The following C1orf21 variants were observed in gnomAD, a reference collection of about 807,000 sequenced individuals.
The protein encoded by C1orf21 is uncharacterized protein C1orf21.
C1orf21 carries 3 observed loss-of-function variants against 18.7 expected under a neutral mutation model. The ratio of observed to expected loss-of-function variants is 0.16; its 90% CI spans 0.07 to 0.42. C1orf21 has a LOEUF of 0.42. Ranked by LOEUF, C1orf21 falls within the 10% of genes least tolerant of loss-of-function variation. The pLI is 0.99. For synonymous variants in C1orf21, 41 were observed against 46.4 expected (o/e 0.88, Z 0.47); for missense variants, 104 against 143.6 (o/e 0.72, Z 1.41).
chr1:184,451,093 G>A (rs1389176000), intron 1 of C1orf21, among the ~76,000 whole-genome samples: 1 of 152,166 alleles, frequency 6.6e-6, no homozygotes, highest in Non-Finnish European at 1.5e-5. Flanking sequence ...GGCCAGGCTG[G>A]TCTTGAACTC....
At chr1:184,455,698 C>T (rs1657188412) in intron 1 of C1orf21, among the ~76,000 whole-genome samples, 1 of 152,162 alleles carries the variant, frequency 6.6e-6, no homozygotes. Flanking sequence ...ATCATAGCTC[C>T]AGCATCTAGA....
chr1:184,622,593 G>A lies in C1orf21; in HGVS notation c.*3037G>A, dbSNP rs1023765398. On this transcript the variant is annotated 3_prime_UTR_variant, in exon 6 of 6. Coordinates refer to ENST00000235307, the MANE Select transcript of C1orf21 (RefSeq NM_030806.4). ...GCCCCAGGCTTGCAGAGAACACAGA[G>A]TGGTGTTGTGGTCTATTTAGGGACA... 1.3e-5 allele frequency: 2 copies of A among 152,680 alleles called. No homozygotes were observed. The highest frequency in any genetic ancestry group is 1.3e-4 in the Admixed American group (2 of 15,286). 9.5% of individuals were successfully genotyped at this position (152,680 alleles called of 1,614,324 possible). A position where few individuals can be genotyped will look rare whatever the true frequency, so the allele number is the denominator to read the frequency against.
intron 1 of C1orf21, among the ~76,000 whole-genome samples, chr1:184,422,521 C>T (rs1371147556): frequency 2.0e-5 from 3 of 152,198 alleles, no homozygotes; most frequent in Admixed American, 6.5e-5. Context: ...TCAGGACACA[C>T]AGCTAGAAAG....
chr1:184,569,079 G>T (rs1298938353), intron 3 of C1orf21, among the ~76,000 whole-genome samples: 1 of 152,188 alleles, frequency 6.6e-6, no homozygotes, highest in Non-Finnish European at 1.5e-5. Flanking sequence ...CAAGGCATTG[G>T]GATAAGTCTC....
chr1:184,460,080 A>G (rs1657278197), intron 1 of C1orf21, among the ~76,000 whole-genome samples: 1 of 152,182 alleles, frequency 6.6e-6, no homozygotes, highest in African/African-American at 2.4e-5. Context: ...AGAGCCAACA[A>G]GCACCCTGGG....
In C1orf21 at chr1:184,623,221, T is replaced by G. The variant is rs2102016010; in HGVS notation, c.*3665T>G. The G allele has an allele frequency of 6.6e-6, 1 of 152,314 alleles. No homozygotes were observed. Among genetic ancestry groups the G allele is most frequent in the Non-Finnish European group, 1.5e-5 (1 of 68,026 alleles). 9.4% of individuals were successfully genotyped at this position (152,314 alleles called of 1,614,324 possible). On this transcript the variant is annotated 3_prime_UTR_variant, in exon 6 of 6. Coordinates refer to ENST00000235307, the MANE Select transcript of C1orf21 (RefSeq NM_030806.4). ...GAAACATTGTTAAACATGTTGAGTT[T>G]TAAAGGAAGAAATATTTTCAAATTC...
chr1:184,446,275 G>A (rs769691210), intron 1 of C1orf21, among the ~76,000 whole-genome samples: 3 of 151,618 alleles, frequency 2.0e-5, no homozygotes, highest in Admixed American at 6.6e-5. Context: ...ATATTTTTCT[G>A]TCTCTCTCCT....
chr1:184,498,517 G>A (rs1196144346), intron 2 of C1orf21, among the ~76,000 whole-genome samples: 5 of 152,114 alleles, frequency 3.3e-5, no homozygotes, highest in South Asian at 4.2e-4. Context: ...ATCCATAACC[G>A]TCAGTCTCGA....
At chr1:184,451,038 C>T (rs1553250744) in intron 1 of C1orf21, among the ~76,000 whole-genome samples, 1 of 152,140 alleles carries the variant, frequency 6.6e-6, no homozygotes, top group Non-Finnish European at 1.5e-5. Context: ...CCATCACGCC[C>T]AGCTAATTTT....
In C1orf21 at chr1:184,507,659, G is replaced by C; in HGVS notation, c.166G>C (p.Ala56Pro). 1 of 1,601,252 alleles carries C rather than the reference G, an allele frequency of 6.2e-7. No homozygotes were observed. Among genetic ancestry groups the C allele is most frequent in the Non-Finnish European group, 8.5e-7 (1 of 1,175,562 alleles). ...TGGGGCAGAAGAAGAGCAGAAAATA[G>C]CAGCCAGGAACCAAGAAAACTTGGT... ...KNGAEEEQKI[A>P]ARNQENLEKS... Residue 56 changes from alanine (A) to proline (P), a missense_variant, in exon 3 of 6, where the codon GCA becomes CCA. Physicochemically the swap from Ala to Pro is conservative, Grantham distance 27. Coordinates refer to ENST00000235307, the MANE Select transcript of C1orf21 (RefSeq NM_030806.4).
chr1:184,488,127 G>A (rs1191627474), intron 2 of C1orf21, among the ~76,000 whole-genome samples: 1 of 152,134 alleles, frequency 6.6e-6, no homozygotes, highest in Non-Finnish European at 1.5e-5. Flanking sequence ...ATCTCTTTTA[G>A]ATTTTAAGAT....
chr1:184,496,033 T>G (rs530417685), intron 2 of C1orf21, among the ~76,000 whole-genome samples: 1 of 151,510 alleles, frequency 6.6e-6, no homozygotes, highest in East Asian at 1.9e-4. Flanking sequence ...GCAGATTGTG[T>G]GGTGAAGAGA....
intron 3 of C1orf21, among the ~76,000 whole-genome samples, chr1:184,552,459 T>C (rs1558001055): frequency 6.6e-6 from 1 of 152,242 alleles, no homozygotes; most frequent in Non-Finnish European, 1.5e-5. Context: ...CTCATATTCA[T>C]ATACTGCTGC....
At chr1:184,470,694 C>T (rs556647379) in intron 1 of C1orf21, among the ~76,000 whole-genome samples, 2 of 152,112 alleles carry the variant, frequency 1.3e-5, no homozygotes, top group Non-Finnish European at 2.9e-5. Context: ...GCCTGGCCAA[C>T]GTGGCGAAAT....
chr1:184,489,079 A>C (rs1657776294), intron 2 of C1orf21, among the ~76,000 whole-genome samples: 1 of 152,226 alleles, frequency 6.6e-6, no homozygotes, highest in Non-Finnish European at 1.5e-5. Context: ...CCAATACCAA[A>C]AGAAAAAGTT....
chr1:184,568,475 T>A (rs1659065477), intron 3 of C1orf21: 1 of 470,620 alleles, frequency 2.1e-6, no homozygotes. Flanking sequence ...GAGAAGTTCT[T>A]ATGTGATACT....
intron 2 of C1orf21, among the ~76,000 whole-genome samples, chr1:184,489,521 C>A (rs1557985195): frequency 6.6e-6 from 1 of 152,098 alleles, no homozygotes; most frequent in Non-Finnish European, 1.5e-5. Context: ...TAACATATAT[C>A]AAAAATGTAA....
intron 1 of C1orf21, among the ~76,000 whole-genome samples, chr1:184,419,601 C>T (rs1275813593): frequency 6.6e-6 from 1 of 151,710 alleles, no homozygotes; most frequent in African/African-American, 2.4e-5. Flanking sequence ...ACAGTCATGT[C>T]AGTTACGCCA....
intron 1 of C1orf21, among the ~76,000 whole-genome samples, chr1:184,404,093 G>T (rs1656205317): frequency 6.6e-6 from 1 of 152,168 alleles, no homozygotes; most frequent in South Asian, 2.1e-4. Flanking sequence ...TGAAGAATTA[G>T]ATATGGTCTA....
Sources: allele counts gnomAD v4.1 joint callset (sites outside exome capture counted in the v4.1 genomes callset), GRCh38; gene constraint gnomAD v4.1.1; transcripts MANE v1.5; gene names NCBI Gene and HGNC (gene_info 2026-07-23, HGNC 2026-07-21).